The following PAQR5 variants were observed in gnomAD, a reference collection of about 807,000 sequenced individuals.
The protein encoded by PAQR5 is progestin and adipoQ receptor family member 5.
PAQR5 carries 20 observed loss-of-function variants against 34.5 expected under a neutral mutation model. The observed-to-expected ratio is 0.58, with a 90% CI of 0.41 to 0.84. PAQR5 has a LOEUF of 0.84. Ranked by LOEUF, PAQR5 falls within the 40% of genes least tolerant of loss-of-function variation. The probability of loss-of-function intolerance (pLI) is 0.00; values close to 1 mark genes in which losing one functional copy is unlikely to be tolerated. For missense variants in PAQR5, 378 were observed against 412.7 expected, an observed-to-expected ratio of 0.92 and a Z score of 0.73; for synonymous variants, 131 against 155.6, an observed-to-expected ratio of 0.84 and a Z score of 1.18.
At chr15:69,321,987 A>T (rs1030541999) in intron 1 of PAQR5, among the ~76,000 whole-genome samples, 3 of 152,284 alleles carry the variant, frequency 2.0e-5, no homozygotes, top group African/African-American at 7.2e-5. Flanking sequence ...AGTGGAAGCT[A>T]ATTTTACCCT....
At chr15:69,348,444 C>A (rs947881208) in intron 2 of PAQR5, among the ~76,000 whole-genome samples, 5 of 152,162 alleles carry the variant, frequency 3.3e-5, no homozygotes, top group Admixed American at 6.5e-5. Flanking sequence ...TGGGCCCTTA[C>A]CTGCTTTGCT....
intron 1 of PAQR5, among the ~76,000 whole-genome samples, chr15:69,331,403 A>G (rs1025382306): frequency 4.2e-4 from 64 of 152,268 alleles, no homozygotes; most frequent in African/African-American, 1.5e-3. Flanking sequence ...TCTCAGACGG[A>G]GAATAGGAGG....
At position 69,360,048 on chromosome 15, in the gene PAQR5, G is replaced by C. The variant is rs1234853450; in HGVS notation, c.-33G>C. The C allele has an allele frequency of 7.5e-6, 12 of 1,600,986 alleles. No individual in the cohort carries two copies. The highest frequency in any genetic ancestry group is 9.4e-6 in the Non-Finnish European group (11 of 1,168,594). On this transcript the variant is annotated 5_prime_UTR_variant, in exon 3 of 9. Coordinates refer to ENST00000395407, the MANE Select transcript of PAQR5 (RefSeq NM_017705.4). Reference sequence around the variant, plus strand: ...TGAGGCCTGGTAACAGGGAGGCGCTGTCACCTACTGGCCTTGCCAATCCAG... The same window carrying C: ...TGAGGCCTGGTAACAGGGAGGCGCTCTCACCTACTGGCCTTGCCAATCCAG...
rs149731708 is a variant in PAQR5, at chr15:69,389,582, G to T, written c.386-72G>T. The T allele has an allele frequency of 1.5e-4, 239 of 1,592,534 alleles. 1 individual carries two copies. The African/African-American group carries it at 2.8e-3, about 19-fold the overall frequency. On this transcript the variant is annotated intron_variant, in intron 5 of 8. Transcript: ENST00000395407. ...GATAAGGGCCAAGCCAGATGCTGGG[G>T]ACAGTCTTTGCAAGGGGCCCATGTG...
intron 2 of PAQR5, among the ~76,000 whole-genome samples, chr15:69,359,581 C>T (rs1313922240): frequency 1.3e-5 from 2 of 152,092 alleles, no homozygotes; most frequent in Non-Finnish European, 2.9e-5. Flanking sequence ...CAGTGCTTTT[C>T]TATACAATGT....
At chr15:69,327,384 AC>A (rs2140646229) in intron 1 of PAQR5, among the ~76,000 whole-genome samples, 2 of 151,494 alleles carry the variant, frequency 1.3e-5, no homozygotes, top group South Asian at 4.2e-4. Flanking sequence ...CATTGTAGCT[AC>A]CCCACAGTAT....
chr15:69,332,302 G>T (rs903119439), intron 1 of PAQR5, among the ~76,000 whole-genome samples: 18 of 152,150 alleles, frequency 1.2e-4, no homozygotes, highest in Non-Finnish European at 2.4e-4. Flanking sequence ...TTGGCAGGCT[G>T]GTCAGTTACA....
At position 69,390,382 on chromosome 15, in the gene PAQR5, CT is replaced by C. The variant is rs1435803315; in HGVS notation, c.512+603del. Among the ~76,000 whole-genome samples, 19 of 144,650 alleles carry C rather than the reference CT, an allele frequency of 1.3e-4. 1 individual carries two copies. In the South Asian group the frequency reaches 3.9e-3, roughly 30 times the overall value. The allele number at this position is 144,650 out of a possible 152,430, so 94.9% of individuals were successfully genotyped here. A position where few individuals can be genotyped will look rare whatever the true frequency, so the allele number is the denominator to read the frequency against. On this transcript the variant is annotated intron_variant, in intron 6 of 8. Coordinates refer to ENST00000395407, the MANE Select transcript of PAQR5 (RefSeq NM_017705.4). ...TTTATTTTTTTGAGACAGGGTCTCT[CT>C]CTGTGGCCCAGGCTGGAATGCAGTG... is the stretch of plus-strand genomic sequence containing the variant.
At chr15:69,318,139 T>TGGG (rs1215731397) in intron 1 of PAQR5, among the ~76,000 whole-genome samples, 5 of 152,200 alleles carry the variant, frequency 3.3e-5, no homozygotes, top group Non-Finnish European at 7.3e-5. Flanking sequence ...AGAGGGGCAT[T>TGGG]GGTGTGCTCT....
chr15:69,341,911 G>C (rs1186620711), intron 2 of PAQR5, among the ~76,000 whole-genome samples: 2 of 138,140 alleles, frequency 1.4e-5, no homozygotes, highest in African/African-American at 5.4e-5. Flanking sequence ...CTGGACAACA[G>C]AGTGAGACCC....
At chr15:69,357,192 T>C (rs1293678741) in intron 2 of PAQR5, among the ~76,000 whole-genome samples, 1 of 152,158 alleles carries the variant, frequency 6.6e-6, no homozygotes, top group East Asian at 1.9e-4. Flanking sequence ...ATGTTTCCTG[T>C]CCAGCCTGCA....
rs373462112 is a variant in PAQR5, at chr15:69,322,772, G to C, written c.-276-14569G>C. 2.1e-3 allele frequency among the ~76,000 whole-genome samples: 27 copies of C among 12,968 alleles called. 3 individuals carry two copies. Among genetic ancestry groups the C allele is most frequent in the African/African-American group, 4.4e-3 (25 of 5,736 alleles). The allele number at this position is 12,968 out of a possible 152,430, so 8.5% of individuals were successfully genotyped here. On this transcript the variant is annotated intron_variant, in intron 1 of 8. Transcript: ENST00000395407. ...AAGAAGAAGAAGAAGAAGAAGAAGA[G>C]GGAGAAGAAGAAGACGAGGAAGAAG...
intron 1 of PAQR5, among the ~76,000 whole-genome samples, chr15:69,315,900 C>T (rs2053935013): frequency 6.6e-6 from 1 of 152,050 alleles, no homozygotes. Flanking sequence ...CTTCCTTCCC[C>T]TTGGGCTCGG....
At chr15:69,362,657 T>C (rs1434901910) in intron 3 of PAQR5, among the ~76,000 whole-genome samples, 1 of 152,126 alleles carries the variant, frequency 6.6e-6, no homozygotes, top group East Asian at 1.9e-4. Flanking sequence ...CCTCCTGGGG[T>C]TGTGAGAATT....
At chr15:69,374,696 G>T (rs1299696538) in intron 3 of PAQR5, among the ~76,000 whole-genome samples, 1 of 152,050 alleles carries the variant, frequency 6.6e-6, no homozygotes, top group African/African-American at 2.4e-5. Flanking sequence ...AATGATAATT[G>T]CTGCATCAAT....
At chr15:69,340,975 G>A (rs909408526) in intron 2 of PAQR5, among the ~76,000 whole-genome samples, 10 of 152,116 alleles carry the variant, frequency 6.6e-5, no homozygotes, top group South Asian at 2.1e-4. Flanking sequence ...CAAAAAGCAC[G>A]TGCTTTTTAA....
chr15:69,351,611 C>T (rs1441759867), intron 2 of PAQR5, among the ~76,000 whole-genome samples: 1 of 152,190 alleles, frequency 6.6e-6, no homozygotes, highest in Non-Finnish European at 1.5e-5. Flanking sequence ...ATTTAGTTTG[C>T]AGGGCACTTG....
intron 1 of PAQR5, among the ~76,000 whole-genome samples, chr15:69,323,100 A>C (rs1465115136): frequency 6.6e-6 from 1 of 152,202 alleles, no homozygotes; most frequent in Non-Finnish European, 1.5e-5. Context: ...TTGAACATAA[A>C]GTGTGGAACA....
chr15:69,315,139 G>A (rs1406809213), intron 1 of PAQR5, among the ~76,000 whole-genome samples: 4 of 152,150 alleles, frequency 2.6e-5, no homozygotes, highest in East Asian at 1.9e-4. Context: ...TTTGAACCAC[G>A]TCTTAGGAGT....
Sources: gnomAD v4.1 joint callset for allele counts (sites outside exome capture counted in the v4.1 genomes callset) on GRCh38, gnomAD v4.1.1 for gene constraint, MANE v1.5 for transcripts, NCBI Gene and HGNC (gene_info 2026-07-23, HGNC 2026-07-21) for gene names.